NCF2: variants seen among roughly 807,000 people sequenced by gnomAD.
NCF2 encodes the protein neutrophil cytosolic factor 2, also known as neutrophil cytosol factor 2.
Under a neutral mutation model 70.9 loss-of-function variants are expected in NCF2, and 45 were observed. That is an observed-to-expected ratio of 0.63 (90% CI 0.50 to 0.81). NCF2 has a LOEUF of 0.81. Among genes scored for constraint, NCF2 ranks in the 40% least tolerant of loss-of-function variants. The pLI, the probability that NCF2 is intolerant of heterozygous loss-of-function variation, is 0.00. For missense variants in NCF2, 522 were observed against 631.6 expected, an observed-to-expected ratio of 0.83 and a Z score of 1.86; for synonymous variants, 203 against 233.6, an observed-to-expected ratio of 0.87 and a Z score of 1.19.
At chr1:183,580,978 CAAA>C (rs11414367) in intron 2 of NCF2, among the ~76,000 whole-genome samples, 3 of 125,292 alleles carry the variant, frequency 2.4e-5, no homozygotes, top group Admixed American at 8.1e-5. Context: ...GACTCCAACT[CAAA>C]AAAAAAAAAA....
intron 2 of NCF2, among the ~76,000 whole-genome samples, chr1:183,581,483 T>C (rs1673071387): frequency 2.0e-5 from 3 of 151,320 alleles, no homozygotes; most frequent in African/African-American, 7.3e-5. Flanking sequence ...AAAAAAAGAT[T>C]ACTTATTTTA....
chr1:183,590,619 G>T (rs1431696067), upstream of NCF2: 1 of 467,528 alleles, frequency 2.1e-6, no homozygotes, highest in Non-Finnish European at 4.0e-6. Context: ...GAGAGAGGAA[G>T]TACATCAGCT....
chr1:183,600,792 T>C, the NCF2 span, among the ~76,000 whole-genome samples: 1 of 152,134 alleles, frequency 6.6e-6, no homozygotes, highest in Non-Finnish European at 1.5e-5. Context: ...AATGATGGGT[T>C]CCTTCACTTC....
intron 7 of NCF2, among the ~76,000 whole-genome samples, chr1:183,568,746 G>A (rs371563461): frequency 1.3e-4 from 19 of 150,962 alleles, no homozygotes; most frequent in East Asian, 1.9e-4. Context: ...GTGCGAAACC[G>A]ATCTCCAACC....
upstream of NCF2, among the ~76,000 whole-genome samples, chr1:183,593,642 C>T (rs1021854414): frequency 6.6e-6 from 1 of 152,210 alleles, no homozygotes; most frequent in Non-Finnish European, 1.5e-5. Flanking sequence ...TTTCTAGATC[C>T]ATGACCTTGC....
chr1:183,581,803 G>A (rs1035991245), intron 2 of NCF2, among the ~76,000 whole-genome samples: 4 of 152,062 alleles, frequency 2.6e-5, no homozygotes, highest in Non-Finnish European at 5.9e-5. Context: ...GAGTAGCTGG[G>A]ACTACAGGCG....
chr1:183,574,153 G>A (rs2102904989), intron 4 of NCF2, among the ~76,000 whole-genome samples: 1 of 152,284 alleles, frequency 6.6e-6, no homozygotes, highest in East Asian at 1.9e-4. Flanking sequence ...AGGCTGTGAG[G>A]ACTCAGTGGT....
At chr1:183,579,606 G>A (rs1200748741) in intron 2 of NCF2, among the ~76,000 whole-genome samples, 1 of 151,804 alleles carries the variant, frequency 6.6e-6, no homozygotes, top group Non-Finnish European at 1.5e-5. Context: ...GGGCATGGTG[G>A]TGGGCGCCTG....
intron 7 of NCF2, 39 bp downstream of exon 7, chr1:183,569,103 C>A (rs374145879): frequency 1.3e-6 from 2 of 1,593,994 alleles, no homozygotes; most frequent in African/African-American, 1.3e-5. Flanking sequence ...TCAGGCTTGG[C>A]GCTTGGATAT....
intron 10 of NCF2, 98 bp from the exon 11 acceptor site, chr1:183,564,128 C>T (rs1672202566): frequency 8.6e-7 from 1 of 1,166,004 alleles, no homozygotes; most frequent in Non-Finnish European, 1.3e-6. Flanking sequence ...TCAAATAGGG[C>T]CCCCAACCTC....
Position 183,556,043 on chromosome 1 carries a change from C to T in NCF2, c.*75G>A. On this transcript the variant is annotated 3_prime_UTR_variant, in exon 15 of 15. Transcript: ENST00000367535. ...AACTGTAATGTCTCAGTACAGTATA[C>T]AGCAGAAGGGTGCTAAATCTTACAA... 1.7e-6 allele frequency: 2 copies of T among 1,211,100 alleles called. No homozygotes were observed. The highest frequency in any genetic ancestry group is 1.2e-5 in the South Asian group (1 of 82,264). 75.0% of individuals were successfully genotyped at this position (1,211,100 alleles called of 1,614,324 possible).
At chr1:183,580,155 T>C (rs1177978693) in intron 2 of NCF2, among the ~76,000 whole-genome samples, 1 of 152,178 alleles carries the variant, frequency 6.6e-6, no homozygotes. Flanking sequence ...GCAGTGGCTA[T>C]GCGGGAAATA....
At chr1:183,580,716 C>T (rs1161882073) in intron 2 of NCF2, among the ~76,000 whole-genome samples, 1 of 152,230 alleles carries the variant, frequency 6.6e-6, no homozygotes, top group East Asian at 1.9e-4. Context: ...GTGGCTCGTG[C>T]CGGTAATCCC....
the NCF2 span, among the ~76,000 whole-genome samples, chr1:183,601,548 T>G: frequency 6.6e-6 from 1 of 152,116 alleles, no homozygotes; most frequent in African/African-American, 2.4e-5. Flanking sequence ...TTTTTTATAA[T>G]GAGGGTAGGT....
intron 2 of NCF2, among the ~76,000 whole-genome samples, chr1:183,585,699 T>C (rs1673318596): frequency 6.6e-6 from 1 of 152,064 alleles, no homozygotes; most frequent in East Asian, 1.9e-4. Flanking sequence ...GGTGGAACAG[T>C]TTCTACAAAG....
At chr1:183,594,096 T>C (rs564087488), upstream of NCF2, among the ~76,000 whole-genome samples, 1 of 152,312 alleles carries the variant, frequency 6.6e-6, no homozygotes, top group Non-Finnish European at 1.5e-5. Context: ...TTAGTTATGC[T>C]GATGAGATGT....
At chr1:183,583,453 C>T (rs540889331) in intron 2 of NCF2, among the ~76,000 whole-genome samples, 99 of 152,342 alleles carry the variant, frequency 6.5e-4, no homozygotes, top group Non-Finnish European at 1.2e-3. Context: ...CCACTTCTGC[C>T]TTGCATTACA....
chr1:183,590,083 C>T (rs768451445), intron 1 of NCF2, 73 bp downstream of exon 1: 67 of 1,603,910 alleles, frequency 4.2e-5, no homozygotes, highest in Non-Finnish European at 5.2e-5. Context: ...GTTAGGTTTC[C>T]GAAATGCAAT....
intron 2 of NCF2, among the ~76,000 whole-genome samples, chr1:183,579,832 C>A (rs1193925827): frequency 2.6e-5 from 4 of 151,418 alleles, no homozygotes; most frequent in African/African-American, 9.7e-5. Flanking sequence ...CATTTGGGTA[C>A]TTCAGACAGT....
Sources: allele counts gnomAD v4.1 joint callset (sites outside exome capture counted in the v4.1 genomes callset), GRCh38; gene constraint gnomAD v4.1.1; transcripts MANE v1.5; gene names NCBI Gene and HGNC (gene_info 2026-07-23, HGNC 2026-07-21).